HAVCR2: variants seen among roughly 807,000 people sequenced by gnomAD.
The protein encoded by HAVCR2 is hepatitis A virus cellular receptor 2.
Under a neutral mutation model 24.7 loss-of-function variants are expected in HAVCR2, and 13 were observed. The ratio of observed to expected loss-of-function variants is 0.53; its 90% CI spans 0.34 to 0.84. The LOEUF is 0.84. Ranked by LOEUF, HAVCR2 falls within the 40% of genes least tolerant of loss-of-function variation. The probability of loss-of-function intolerance (pLI) is 0.01; values close to 1 mark genes in which losing one functional copy is unlikely to be tolerated. For missense variants in HAVCR2, 343 were observed against 371.2 expected (o/e 0.92, Z 0.62); for synonymous variants, 154 against 143.4 (o/e 1.07, Z -0.53).
In HAVCR2 at chr5:157,090,102, A is replaced by C. The variant is rs138547316; in HGVS notation, c.677-1125T>G. Reference sequence around the variant, plus strand: ...CAGTTTCAAAAATTTGAAACTTAAAATTTTCCTTTCTTTTCTTTTCTTTTT... The same window carrying C: ...CAGTTTCAAAAATTTGAAACTTAAACTTTTCCTTTCTTTTCTTTTCTTTTT... On this transcript the variant is annotated intron_variant, in intron 5 of 6. Coordinates refer to ENST00000307851, the MANE Select transcript of HAVCR2 (RefSeq NM_032782.5). Among the ~76,000 whole-genome samples, 605 of 116,032 alleles carry C rather than the reference A, an allele frequency of 5.2e-3. 7 individuals carry two copies. Among genetic ancestry groups the C allele is most frequent in the African/African-American group, 0.018 (546 of 30,370 alleles). The allele number at this position is 116,032 out of a possible 152,430, so 76.1% of individuals were successfully genotyped here. A position where few individuals can be genotyped will look rare whatever the true frequency, so the allele number is the denominator to read the frequency against.
chr5:157,092,287 C>T (rs931011472), intron 5 of HAVCR2, among the ~76,000 whole-genome samples: 3 of 151,684 alleles, frequency 2.0e-5, no homozygotes, highest in Admixed American at 6.6e-5. Flanking sequence ...TTAACAATCC[C>T]TAGTCTGTTT....
At position 157,106,895 on chromosome 5, in the gene HAVCR2, TG is replaced by T. The variant is rs1332005021; in HGVS notation, c.125del (p.Pro42GlnfsTer34). 9 of 1,614,140 alleles carry T rather than the reference TG, an allele frequency of 5.6e-6. No individual in the cohort carries two copies. Among genetic ancestry groups the T allele is most frequent in the Non-Finnish European group, 7.6e-6 (9 of 1,180,022 alleles). ...QNAYLPCFYTPAAPGNLVPVC... is the reference protein window; with the variant it reads ...QNAYLPCFYTXAAPGNLVPVC... ...CGGGCACGAGGTTCCCTGGGGCGGC[TG>T]GGGTGTAGAAGCAGGGCAGATAGGC... On this transcript the variant is annotated frameshift_variant, in exon 2 of 7. Coordinates refer to ENST00000307851, the MANE Select transcript of HAVCR2 (RefSeq NM_032782.5). LOFTEE classifies it high-confidence loss of function.
intron 5 of HAVCR2, among the ~76,000 whole-genome samples, chr5:157,092,888 A>C (rs1757026232): frequency 1.5e-5 from 1 of 65,552 alleles, no homozygotes. Flanking sequence ...CAAAAAAAAA[A>C]AAAAAAAAAA....
intron 5 of HAVCR2, among the ~76,000 whole-genome samples, chr5:157,092,150 A>G (rs1034063845): frequency 3.3e-5 from 5 of 149,488 alleles, no homozygotes; most frequent in African/African-American, 4.9e-5. Context: ...ATATATATAT[A>G]TATATATATA....
chr5:157,106,518 C>T, intron 2 of HAVCR2, 109 bp downstream of exon 2: 1 of 892,754 alleles, frequency 1.1e-6, no homozygotes, highest in Non-Finnish European at 1.7e-6. Flanking sequence ...CTTAGTGGCC[C>T]TCCTCCAGGG....
rs1757220441 is a variant in HAVCR2, at chr5:157,104,686, G to T, written c.458C>A (p.Thr153Asn). The change falls in exon 3 of 7, where the codon ACC (threonine) becomes AAC (asparagine). Residue 153 changes from threonine to asparagine, a missense_variant. Coordinates refer to ENST00000307851, the MANE Select transcript of HAVCR2 (RefSeq NM_032782.5). ...GTTACCTGGGCCATGTCCCCTGGTG[G>T]TAAGCATCCTTGGAAAGGCTGCAGT... ...DFTAAFPRMLTTRGHGPAETQ... is the reference protein window; with the variant it reads ...DFTAAFPRMLNTRGHGPAETQ... 2 of 1,603,908 alleles carry T rather than the reference G, an allele frequency of 1.2e-6. No individual in the cohort carries two copies. Among genetic ancestry groups the T allele is most frequent in the African/African-American group, 1.3e-5 (1 of 74,930 alleles).
intron 5 of HAVCR2, 80 bp downstream of exon 5, chr5:157,095,226 A>G (rs1002347419): frequency 8.1e-6 from 12 of 1,487,414 alleles, no homozygotes; most frequent in Non-Finnish European, 1.1e-5. Context: ...ATAAACATGA[A>G]TTTGCATTTC....
At chr5:157,108,788 C>A (rs957515685) in intron 1 of HAVCR2, 138 bp downstream of exon 1, 3 of 609,572 alleles carry the variant, frequency 4.9e-6, no homozygotes, top group African/African-American at 3.6e-5. Context: ...TATTTACCCA[C>A]TCCCTCATCG....
intron 3 of HAVCR2, among the ~76,000 whole-genome samples, chr5:157,102,947 A>AAG (rs1374030831): frequency 6.6e-6 from 1 of 151,380 alleles, no homozygotes; most frequent in Admixed American, 6.6e-5. Context: ...AAAAAAAAAA[A>AAG]AAGGAAAGAA....
At chr5:157,105,708 A>G (rs1451454352) in intron 2 of HAVCR2, among the ~76,000 whole-genome samples, 1 of 152,196 alleles carries the variant, frequency 6.6e-6, no homozygotes, top group Non-Finnish European at 1.5e-5. Flanking sequence ...AGTACATGTT[A>G]TAGAAATCTT....
chr5:157,106,689 C>T lies in HAVCR2; in HGVS notation c.332G>A (p.Arg111Gln), dbSNP rs367701067. 2.6e-5 allele frequency: 42 copies of T among 1,614,086 alleles called. No individual in the cohort carries two copies. The highest frequency in any genetic ancestry group is 2.2e-4 in the South Asian group (20 of 91,084). Residue 111 changes from arginine to glutamine, a missense_variant, in exon 2 of 7, where the codon CGG becomes CAG. Arg to Gln is a conservative substitution (Grantham distance 43, BLOSUM62 1). Coordinates refer to ENST00000307851, the MANE Select transcript of HAVCR2 (RefSeq NM_032782.5). ...ATTCATTATGCCTGGGATTTGGATC[C>T]GGCAGCAGTAGATCCCACTGTCTGC... ...TLADSGIYCC[R>Q]IQIPGIMNDE...
rs556858057 is a variant in HAVCR2 at position 157,097,064 on chromosome 5, C to T, written c.523-1605G>A. 2.0e-5 allele frequency among the ~76,000 whole-genome samples: 3 copies of T among 152,042 alleles called. No individual in the cohort carries two copies. The East Asian group carries it at 5.8e-4, about 29-fold the overall frequency. The stretch of plus-strand genomic sequence containing the variant: ...ATTGATTCAATACACATTACTCCTG[C>T]AATAACAGGAGTCCTATATGCAAGA... On this transcript the variant is annotated intron_variant, in intron 4 of 6. Transcript: ENST00000307851.
chr5:157,104,468 A>C (rs1389303820), intron 3 of HAVCR2, among the ~76,000 whole-genome samples, 198 bp downstream of exon 3: 2 of 152,242 alleles, frequency 1.3e-5, no homozygotes, highest in Non-Finnish European at 2.9e-5. Context: ...TTTAAGTAAA[A>C]TAATCCTAAG....
intron 6 of HAVCR2, among the ~76,000 whole-genome samples, chr5:157,088,462 T>C (rs931157026): frequency 2.0e-5 from 3 of 152,222 alleles, no homozygotes; most frequent in Non-Finnish European, 4.4e-5. Flanking sequence ...GAGATTCTGA[T>C]TCAGTTGCTC....
At chr5:157,087,924 T>G (rs13156516) in intron 6 of HAVCR2, among the ~76,000 whole-genome samples, 5,757 of 151,002 alleles carry the variant, frequency 0.038, 283 homozygotes, top group African/African-American at 0.11. Flanking sequence ...AAAAAAATTA[T>G]TAATGCTTTA....
Position 157,106,842 on chromosome 5 carries a change from A to G in HAVCR2, c.179T>C (p.Val60Ala), listed in dbSNP as rs1757260017. Residue 60 changes from valine (V) to alanine (A), a missense_variant, in exon 2 of 7, where the codon GTG becomes GCG. Transcript: ENST00000307851. ...GAGCACCACGTTGCCACATTCAAAC[A>G]CAGGACAGGCTCCTTTGCCCCAGCA... ...PVCWGKGACP[V>A]FECGNVVLRT... 6.2e-7 allele frequency: 1 copy of G among 1,614,194 alleles called. No homozygotes were observed. The highest frequency in any genetic ancestry group is 1.1e-5 in the South Asian group (1 of 91,086).
intron 2 of HAVCR2, 98 bp downstream of exon 2, chr5:157,106,529 C>T: frequency 2.9e-6 from 3 of 1,024,674 alleles, no homozygotes; most frequent in African/African-American, 1.6e-5. Context: ...TCCTCCAGGG[C>T]TATAATTAGG....
intron 5 of HAVCR2, among the ~76,000 whole-genome samples, chr5:157,091,793 A>C (rs1757007662): frequency 6.6e-6 from 1 of 152,328 alleles, no homozygotes; most frequent in Non-Finnish European, 1.5e-5. Flanking sequence ...TTCATATTTC[A>C]TCAGTTAGGA....
chr5:157,108,083 A>T (rs1757277905), intron 1 of HAVCR2, among the ~76,000 whole-genome samples: 1 of 151,980 alleles, frequency 6.6e-6, no homozygotes, highest in Non-Finnish European at 1.5e-5. Flanking sequence ...TATATATTTT[A>T]TATATGATAA....
Sources: gnomAD v4.1 joint callset for allele counts (sites outside exome capture counted in the v4.1 genomes callset) on GRCh38, gnomAD v4.1.1 for gene constraint, MANE v1.5 for transcripts, NCBI Gene and HGNC (gene_info 2026-07-23, HGNC 2026-07-21) for gene names.